The following DGLUCY variants were observed in gnomAD, a reference collection of about 807,000 sequenced individuals.
DGLUCY encodes the protein D-glutamate cyclase, also known as D-glutamate cyclase, mitochondrial.
In DGLUCY, 58 loss-of-function variants were observed where a neutral mutation model predicts 58.5. The observed-to-expected ratio is 0.99, with a 90% CI of 0.80 to 1.23. DGLUCY has a LOEUF of 1.23. DGLUCY is among the 50% of genes most tolerant of loss of function. DGLUCY has a pLI of 0.00. For missense variants in DGLUCY, 779 were observed against 784.7 expected, an observed-to-expected ratio of 0.99 and a Z score of 0.09; for synonymous variants, 325 against 314.1, an observed-to-expected ratio of 1.03 and a Z score of -0.37.
chr14:91,169,952 G>T, intron 4 of DGLUCY, 51 bp from the exon 5 acceptor site: 1 of 1,555,906 alleles, frequency 6.4e-7, no homozygotes. Flanking sequence ...GTATTATCAG[G>T]GGCCACAGTG....
At chr14:91,123,961 T>G (rs2045539421) in intron 1 of DGLUCY, among the ~76,000 whole-genome samples, 1 of 146,410 alleles carries the variant, frequency 6.8e-6, no homozygotes, top group East Asian at 2.0e-4. Flanking sequence ...GGAGTCTCAC[T>G]CTGTCACCCA....
intron 3 of DGLUCY, chr14:91,165,366 T>TGG: frequency 2.3e-6 from 1 of 431,348 alleles, no homozygotes; most frequent in Non-Finnish European, 4.6e-6. Context: ...ATCTTATAGA[T>TGG]GGGGAAGCTG....
chr14:91,074,643 A>G (rs923515199), intron 1 of DGLUCY, among the ~76,000 whole-genome samples: 6 of 152,230 alleles, frequency 3.9e-5, no homozygotes, highest in Admixed American at 1.3e-4. Context: ...ACCGTAAAAC[A>G]TGAAAATCAC....
chr14:91,152,328 T>C (rs538942688), intron 1 of DGLUCY, among the ~76,000 whole-genome samples: 1 of 152,146 alleles, frequency 6.6e-6, no homozygotes, highest in African/African-American at 2.4e-5. Context: ...GCCTGAGAGG[T>C]TGTGGCTGCA....
At chr14:91,162,256 T>C (rs994976901) in intron 3 of DGLUCY, among the ~76,000 whole-genome samples, 2 of 152,020 alleles carry the variant, frequency 1.3e-5, no homozygotes, top group Non-Finnish European at 2.9e-5. Flanking sequence ...TCAATCAAAT[T>C]AGAAATGTTA....
At chr14:91,092,732 C>G (rs866159683) in intron 1 of DGLUCY, among the ~76,000 whole-genome samples, 1 of 152,144 alleles carries the variant, frequency 6.6e-6, no homozygotes, top group African/African-American at 2.4e-5. Context: ...TCAACATAAT[C>G]CTTGCAAGTA....
intron 1 of DGLUCY, among the ~76,000 whole-genome samples, chr14:91,062,501 T>C (rs1193124284): frequency 7.6e-6 from 1 of 132,068 alleles, no homozygotes; most frequent in East Asian, 2.3e-4. Flanking sequence ...TAAGCCGAGA[T>C]CACACCATTG....
chr14:91,143,564 G>A (rs138168801), intron 1 of DGLUCY, among the ~76,000 whole-genome samples: 1,878 of 152,308 alleles, frequency 0.012, 23 homozygotes, highest in Non-Finnish European at 0.017. Context: ...CTTTCTGACA[G>A]CAAATCTATG....
chr14:91,221,176 A>G (rs935436795), intron 13 of DGLUCY, among the ~76,000 whole-genome samples: 4 of 152,266 alleles, frequency 2.6e-5, no homozygotes, highest in Non-Finnish European at 4.4e-5. Flanking sequence ...ATATGCCATC[A>G]GCCCAGGGCA....
chr14:91,086,171 C>T, intron 1 of DGLUCY, among the ~76,000 whole-genome samples: 1 of 152,212 alleles, frequency 6.6e-6, no homozygotes, highest in Middle Eastern at 3.2e-3. Context: ...CCAGATGGAA[C>T]TGTCTAGTTG....
intron 1 of DGLUCY, among the ~76,000 whole-genome samples, chr14:91,084,013 G>A (rs2044170486): frequency 6.6e-6 from 1 of 152,122 alleles, no homozygotes; most frequent in African/African-American, 2.4e-5. Flanking sequence ...CCTTTGGGAA[G>A]TAGGGAGTTT....
chr14:91,100,725 A>C (rs1176077792), intron 1 of DGLUCY, among the ~76,000 whole-genome samples: 3 of 152,180 alleles, frequency 2.0e-5, no homozygotes, highest in African/African-American at 7.2e-5. Context: ...CCTTACCCAC[A>C]GTATCTAGGA....
At chr14:91,096,669 G>A (rs1005884652) in intron 1 of DGLUCY, among the ~76,000 whole-genome samples, 1 of 152,160 alleles carries the variant, frequency 6.6e-6, no homozygotes, top group Non-Finnish European at 1.5e-5. Flanking sequence ...GTTCAGCTGA[G>A]TGCCTTCCCC....
At chr14:91,107,196 T>G (rs2044607447), upstream of DGLUCY, among the ~76,000 whole-genome samples, 1 of 152,152 alleles carries the variant, frequency 6.6e-6, no homozygotes, top group South Asian at 2.1e-4. Context: ...TTCTTATATG[T>G]TCTCATGTCT....
chr14:91,161,226 A>C (rs1353500285), intron 3 of DGLUCY, among the ~76,000 whole-genome samples: 1 of 152,136 alleles, frequency 6.6e-6, no homozygotes, highest in East Asian at 1.9e-4. Flanking sequence ...GCCCGCCACC[A>C]TGCCCAGCTA....
At chr14:91,114,047 C>A (rs548307884), upstream of DGLUCY, 1 of 152,500 alleles carries the variant, frequency 6.6e-6, no homozygotes, top group South Asian at 2.1e-4. Context: ...GAGGAGACCA[C>A]GCTGCTGCAT....
intron 11 of DGLUCY, among the ~76,000 whole-genome samples, chr14:91,203,124 G>A (rs1466271509): frequency 1.3e-5 from 2 of 152,206 alleles, no homozygotes; most frequent in Admixed American, 6.5e-5. Flanking sequence ...CCCATGACAG[G>A]ATGGATGTGA....
intron 1 of DGLUCY, among the ~76,000 whole-genome samples, chr14:91,093,439 A>C (rs530631652): frequency 7.9e-5 from 12 of 152,336 alleles, no homozygotes; most frequent in African/African-American, 2.9e-4. Flanking sequence ...TTATCTAGCT[A>C]TAAAAAGGAA....
intron 13 of DGLUCY, among the ~76,000 whole-genome samples, chr14:91,219,427 C>T (rs944783060): frequency 1.3e-5 from 2 of 152,214 alleles, no homozygotes; most frequent in Non-Finnish European, 2.9e-5. Flanking sequence ...TAGCTAGAAT[C>T]GTCACACTAG....
Sources: allele counts gnomAD v4.1 joint callset (sites outside exome capture counted in the v4.1 genomes callset), GRCh38; gene constraint gnomAD v4.1.1; transcripts MANE v1.5; gene names NCBI Gene and HGNC (gene_info 2026-07-23, HGNC 2026-07-21).